The following MYO10 variants were observed in gnomAD, a reference collection of about 807,000 sequenced individuals.
MYO10 encodes the protein unconventional myosin-X.
A neutral mutation model predicts 257.3 loss-of-function variants in MYO10; 133 were observed. The ratio of observed to expected loss-of-function variants is 0.52; its 90% CI spans 0.45 to 0.60. The LOEUF (loss-of-function observed/expected upper bound fraction) is 0.60. Ranked by LOEUF, MYO10 falls within the 20% of genes least tolerant of loss-of-function variation. MYO10 has a pLI of 0.00. For missense variants in MYO10, 2,399 were observed against 2,635.7 expected (o/e 0.91, Z 1.97); for synonymous variants, 1,104 against 1,028.6 (o/e 1.07, Z -1.40).
intron 21 of MYO10, among the ~76,000 whole-genome samples, chr5:16,707,942 G>A (rs1738420827): frequency 1.3e-5 from 2 of 152,180 alleles, no homozygotes; most frequent in Admixed American, 6.6e-5. Context: ...TGTTGTGTAC[G>A]GCAGACATTC....
chr5:16,819,629 T>C (rs911394846), intron 2 of MYO10, among the ~76,000 whole-genome samples: 9 of 152,196 alleles, frequency 5.9e-5, no homozygotes, highest in Non-Finnish European at 1.2e-4. Flanking sequence ...GGCATGTGCA[T>C]GTGTGCACAC....
chr5:16,776,051 A>C (rs968245592), intron 9 of MYO10, among the ~76,000 whole-genome samples: 1 of 150,846 alleles, frequency 6.6e-6, no homozygotes, highest in African/African-American at 2.4e-5. Flanking sequence ...GTGTGCCACT[A>C]CACCCGGCTA....
chr5:16,789,055 A>T (rs1741676698), intron 4 of MYO10, among the ~76,000 whole-genome samples: 1 of 152,302 alleles, frequency 6.6e-6, no homozygotes, highest in African/African-American at 2.4e-5. Context: ...AGGACACGCT[A>T]GCCTCCCAGC....
chr5:16,922,266 C>A (rs1746008174), intron 1 of MYO10, among the ~76,000 whole-genome samples: 1 of 151,666 alleles, frequency 6.6e-6, no homozygotes, highest in Non-Finnish European at 1.5e-5. Context: ...GAAAAAAGGG[C>A]ACATGGGCCC....
At chr5:16,762,347 A>G (rs1476774935) in intron 15 of MYO10, among the ~76,000 whole-genome samples, 198 bp downstream of exon 15, 3 of 152,198 alleles carry the variant, frequency 2.0e-5, no homozygotes, top group Non-Finnish European at 4.4e-5. Flanking sequence ...AAGCTTGGGC[A>G]TTCTAACAAG....
intron 2 of MYO10, among the ~76,000 whole-genome samples, chr5:16,870,370 G>A (rs370241702): frequency 1.3e-5 from 2 of 151,170 alleles, no homozygotes; most frequent in African/African-American, 4.9e-5. Flanking sequence ...TTTCAGGAAC[G>A]TCTTCAAAAT....
At chr5:16,783,513 T>C in intron 4 of MYO10, 44 bp from the exon 5 acceptor site, 1 of 1,572,790 alleles carries the variant, frequency 6.4e-7, no homozygotes, top group Non-Finnish European at 8.6e-7. Flanking sequence ...ACTATAATTT[T>C]TAAAAAAAAA....
At chr5:16,675,908 C>G in intron 34 of MYO10, 123 bp downstream of exon 34, 1 of 1,215,342 alleles carries the variant, frequency 8.2e-7, no homozygotes, top group Non-Finnish European at 1.1e-6. Context: ...TCTTTTCCTT[C>G]CAATTCACGA....
chr5:16,884,761 T>C (rs1242062188), intron 1 of MYO10, among the ~76,000 whole-genome samples: 1 of 152,064 alleles, frequency 6.6e-6, no homozygotes, highest in Non-Finnish European at 1.5e-5. Context: ...AAAGCACACG[T>C]GGCTTTTATA....
chr5:16,716,803 A>G lies in MYO10; in HGVS notation c.1930-5558T>C, dbSNP rs574600931. Among the ~76,000 whole-genome samples the G allele has an allele frequency of 4.6e-5, 7 of 152,172 alleles. No homozygotes were observed. In the East Asian group the frequency reaches 1.4e-3, roughly 30 times the overall value. ...TTTGTAGATAACGAGACTGGAAATT[A>G]GGAAGGCAAAATGACTTGTTCAAAC... is the stretch of plus-strand genomic sequence containing the variant. On this transcript the variant is annotated intron_variant, in intron 19 of 40. Coordinates refer to ENST00000513610, the MANE Select transcript of MYO10 (RefSeq NM_012334.3).
At chr5:16,682,073 G>C in intron 30 of MYO10, 60 bp from the exon 31 acceptor site, 1 of 1,564,412 alleles carries the variant, frequency 6.4e-7, no homozygotes, top group Non-Finnish European at 8.7e-7. Context: ...CATCACCTCT[G>C]TGTGAACCGA....
chr5:16,709,571 C>T, intron 21 of MYO10, among the ~76,000 whole-genome samples: 1 of 151,988 alleles, frequency 6.6e-6, no homozygotes, highest in East Asian at 1.9e-4. Flanking sequence ...GGACTTCAGT[C>T]CTCAAAAACA....
intron 19 of MYO10, among the ~76,000 whole-genome samples, chr5:16,753,355 G>C (rs567917677): frequency 6.6e-6 from 1 of 152,008 alleles, no homozygotes; most frequent in South Asian, 2.1e-4. Context: ...TTTTAGTAGA[G>C]ACGTGGTTTC....
intron 9 of MYO10, among the ~76,000 whole-genome samples, chr5:16,771,547 TTTATTATTATTA>T (rs201265648): frequency 0.028 from 3,813 of 136,870 alleles, 58 homozygotes; most frequent in African/African-American, 0.043. Flanking sequence ...ACTATTATGA[TTTATTATTATTA>T]TTATTATTAT....
intron 19 of MYO10, among the ~76,000 whole-genome samples, chr5:16,714,464 G>A (rs1738760822): frequency 2.0e-5 from 3 of 152,004 alleles, no homozygotes; most frequent in South Asian, 2.1e-4. Context: ...AGAGACCAAC[G>A]GGGTCAGATC....
chr5:16,818,000 G>A lies in MYO10; in HGVS notation c.279+9C>T. Reference sequence around the variant, plus strand: ...GGATCTTTTTAAAGGAATTACAAGTGGAACTTACATATATTTGATTTCTCT... The same window carrying A: ...GGATCTTTTTAAAGGAATTACAAGTAGAACTTACATATATTTGATTTCTCT... On this transcript the variant is annotated intron_variant, in intron 3 of 40. Coordinates refer to ENST00000513610, the MANE Select transcript of MYO10 (RefSeq NM_012334.3). 1 of 1,518,826 alleles carries A rather than the reference G, an allele frequency of 6.6e-7. No individual in the cohort carries two copies. The allele number at this position is 1,518,826 out of a possible 1,614,324, so 94.1% of individuals were successfully genotyped here. A position where few individuals can be genotyped will look rare whatever the true frequency, so the allele number is the denominator to read the frequency against.
chr5:16,724,920 ATG>A (rs1739295746), intron 19 of MYO10, among the ~76,000 whole-genome samples: 1 of 152,162 alleles, frequency 6.6e-6, no homozygotes, highest in South Asian at 2.1e-4. Context: ...CACAGTATGC[ATG>A]TGTGTGTATA....
intron 36 of MYO10, 131 bp from the exon 37 acceptor site, chr5:16,672,956 C>T (rs922998177): frequency 2.0e-6 from 2 of 1,001,714 alleles, no homozygotes; most frequent in South Asian, 1.7e-5. Context: ...AAAAATGTTA[C>T]CCGTGTGGTC....
Position 16,701,404 on chromosome 5 carries a change from G to A in MYO10, c.2991C>T (p.Phe997=), listed in dbSNP as rs368732217. 1.1e-5 allele frequency: 18 copies of A among 1,613,850 alleles called. No homozygotes were observed. Among genetic ancestry groups the A allele is most frequent in the African/African-American group, 4.0e-5 (3 of 74,938 alleles). The stretch of plus-strand genomic sequence containing the variant: ...CCTTGAAGGCGTCGTCGTCGGCTTC[G>A]AAGCCCTCATCGACCTCCTCCTCTG... ...PYPEEEVDEG[F]EADDDAFKDS... is the part of the protein sequence containing the mutation. Residue 997 remains phenylalanine (F), a synonymous_variant, in exon 25 of 41, where the codon TTC becomes TTT. Coordinates refer to ENST00000513610, the MANE Select transcript of MYO10 (RefSeq NM_012334.3). This position sits in a 1 kb window ranked among gnomAD's most constrained non-coding sequence, Gnocchi z 8.1.
Sources: gnomAD v4.1 joint callset for allele counts (sites outside exome capture counted in the v4.1 genomes callset) on GRCh38, gnomAD v4.1.1 for gene constraint, Gnocchi (gnomAD v3.1) non-coding constraint, MANE v1.5 for transcripts, NCBI Gene and HGNC (gene_info 2026-07-23, HGNC 2026-07-21) for gene names.